Variants in LHFPL5 observed in about 807,000 individuals in gnomAD.
The protein encoded by LHFPL5 is LHFPL tetraspan subfamily member 5 protein.
A neutral mutation model predicts 18.7 loss-of-function variants in LHFPL5; 12 were observed. That is an observed-to-expected ratio of 0.64 (90% CI 0.41 to 1.04). LHFPL5 has a LOEUF of 1.04. Ranked by LOEUF, LHFPL5 falls within the 50% of genes least tolerant of loss-of-function variation. The pLI is 0.00. For missense variants in LHFPL5, 259 were observed against 292.1 expected (o/e 0.89, Z 0.83); for synonymous variants, 111 against 120.2 (o/e 0.92, Z 0.50).
Position 35,814,362 on chromosome 6 carries a change from C to T in LHFPL5, c.413-184C>T, listed in dbSNP as rs1314905798. The stretch of plus-strand genomic sequence containing the variant: ...GTCTCGGGGGCCAGTTGCTTTAACT[C>T]TCAGAGCCTCAGTTTTCTCACCTGT... On this transcript the variant is annotated intron_variant, in intron 1 of 3. Transcript: ENST00000360215. The surrounding 1 kb of genome is among the most constrained non-coding windows in gnomAD (Gnocchi z 4.2). Among the ~76,000 whole-genome samples, 2 of 152,120 alleles carry T rather than the reference C, an allele frequency of 1.3e-5. No individual in the cohort carries two copies. The highest frequency in any genetic ancestry group is 3.9e-4 in the East Asian group (2 of 5,184).
rs1554147694 is a variant in LHFPL5 at position 35,821,481 on chromosome 6, G to GTGTGTGTGTGTGTGTA, written c.*17-1488_*17-1487insGTATGTGTGTGTGTGT. On this transcript the variant is annotated intron_variant, in intron 3 of 3. Coordinates refer to ENST00000360215, the MANE Select transcript of LHFPL5 (RefSeq NM_182548.4). The stretch of plus-strand genomic sequence containing the variant: ...TGTGTGTGTGTGTGTGTGTGTGTGT[G>GTGTGTGTGTGTGTGTA]TGTGTGTGTGTGTTCTTGACACGGA... Among the ~76,000 whole-genome samples, 277 of 147,068 alleles carry GTGTGTGTGTGTGTGTA rather than the reference G, an allele frequency of 1.9e-3. 2 individuals carry two copies. The highest frequency in any genetic ancestry group is 4.8e-3 in the African/African-American group (188 of 39,290).
chr6:35,818,321 A>G (rs1300555598), intron 2 of LHFPL5, among the ~76,000 whole-genome samples: 2 of 660 alleles, frequency 3.0e-3, no homozygotes, highest in Non-Finnish European at 0.024. Flanking sequence ...ACTAAAAGCC[A>G]TATATATATA....
chr6:35,816,136 A>G (rs999942824), intron 2 of LHFPL5, among the ~76,000 whole-genome samples: 3 of 149,814 alleles, frequency 2.0e-5, no homozygotes, highest in Non-Finnish European at 4.4e-5. Flanking sequence ...GCGCCACTGC[A>G]GTCCGCAGTC....
rs67626900 is a variant in LHFPL5 at position 35,823,388 on chromosome 6, T to TAC, written c.*459_*460dup. The TAC allele has an allele frequency of 0.01, 1,057 of 103,804 alleles. 9 individuals carry two copies. The highest frequency in any genetic ancestry group is 0.012 in the African/African-American group (274 of 22,146). The allele number at this position is 103,804 out of a possible 1,614,324, so 6.4% of individuals were successfully genotyped here. The stretch of plus-strand genomic sequence containing the variant: ...GATAGCATACACACACACATATATA[T>TAC]ACACACACACACACACACACACACA... On this transcript the variant is annotated 3_prime_UTR_variant, in exon 4 of 4. Coordinates refer to ENST00000360215, the MANE Select transcript of LHFPL5 (RefSeq NM_182548.4).
intron 1 of LHFPL5, among the ~76,000 whole-genome samples, chr6:35,811,765 C>T (rs1293969812): frequency 6.6e-6 from 1 of 152,198 alleles, no homozygotes; most frequent in East Asian, 1.9e-4. Flanking sequence ...CACATCAAGT[C>T]GGGGAAGGGC....
At chr6:35,809,522 G>A (rs909327642) in intron 1 of LHFPL5, among the ~76,000 whole-genome samples, 1 of 152,074 alleles carries the variant, frequency 6.6e-6, no homozygotes, top group East Asian at 1.9e-4. Context: ...TTGAGTCAAG[G>A]TCTCAAAAAT....
chr6:35,806,104 G>A (rs1454124785), intron 1 of LHFPL5, 22 bp downstream of exon 1: 3 of 1,610,992 alleles, frequency 1.9e-6, no homozygotes, highest in East Asian at 4.5e-5. Context: ...TGGTGGGAGG[G>A]CAGGCAGGGG....
intron 2 of LHFPL5, among the ~76,000 whole-genome samples, chr6:35,818,568 A>C (rs1768812902): frequency 6.6e-6 from 1 of 151,414 alleles, no homozygotes; most frequent in African/African-American, 2.4e-5. Context: ...CACCATGTTG[A>C]CCAGGCTGGT....
rs1768894811 is a variant in LHFPL5 at position 35,823,033 on chromosome 6, T to C, written c.*68T>C. On this transcript the variant is annotated 3_prime_UTR_variant, in exon 4 of 4. Transcript: ENST00000360215. ...ACTAGGGAATCAAATTCTTCAGAGATAAGAACTTGTTCTTCCAAGTTTCCT... is the reference window on the plus strand; with the variant it reads ...ACTAGGGAATCAAATTCTTCAGAGACAAGAACTTGTTCTTCCAAGTTTCCT... The C allele has an allele frequency of 6.6e-6, 1 of 152,226 alleles. No individual in the cohort carries two copies. The highest frequency in any genetic ancestry group is 1.5e-5 in the Non-Finnish European group (1 of 68,038). The allele number at this position is 152,226 out of a possible 1,614,324, so 9.4% of individuals were successfully genotyped here.
At chr6:35,811,704 C>G (rs1484387072) in intron 1 of LHFPL5, among the ~76,000 whole-genome samples, 1 of 152,240 alleles carries the variant, frequency 6.6e-6, no homozygotes, top group Non-Finnish European at 1.5e-5. Context: ...TTCCCACCTT[C>G]ACCTCTGCCC....
intron 2 of LHFPL5, among the ~76,000 whole-genome samples, chr6:35,818,339 ATATATATATGTATTTTTTTTTTTTT>A (rs1204086914): frequency 7.2e-5 from 2 of 27,864 alleles, no homozygotes; most frequent in Admixed American, 4.2e-4. Context: ...ATATATATAT[ATATATATATGTATTTTTTTTTTTTT>A]TTTTTTTTTT....
chr6:35,823,633 G>C lies in LHFPL5; in HGVS notation c.*668G>C, dbSNP rs556282521. 5 of 151,414 alleles carry C rather than the reference G, an allele frequency of 3.3e-5. No individual in the cohort carries two copies. Among genetic ancestry groups the C allele is most frequent in the African/African-American group, 7.3e-5 (3 of 41,018 alleles). The allele number at this position is 151,414 out of a possible 1,614,324, so 9.4% of individuals were successfully genotyped here. On this transcript the variant is annotated 3_prime_UTR_variant, in exon 4 of 4. Transcript: ENST00000360215. ...TTTGTTTTCTTATTGCTGCTCAGAG[G>C]GGGGTAAGGAATGGAGGGGCCATCA...
In LHFPL5 at chr6:35,814,537, C is replaced by T. The variant is rs1768724551; in HGVS notation, c.413-9C>T. 1 of 1,606,074 alleles carries T rather than the reference C, an allele frequency of 6.2e-7. No homozygotes were observed. Among genetic ancestry groups the T allele is most frequent in the Non-Finnish European group, 8.5e-7 (1 of 1,172,598 alleles). On this transcript the variant is annotated splice_polypyrimidine_tract_variant and intron_variant, in intron 1 of 3. Transcript: ENST00000360215. This position sits in a 1 kb window ranked among gnomAD's most constrained non-coding sequence, Gnocchi z 4.2. ...CCTGATGCCATGTGCACCCCTCCTT[C>T]CCCCTCAGCCACAGGCCTAATGATT...
chr6:35,813,239 ATTTT>A (rs35884324), intron 1 of LHFPL5, among the ~76,000 whole-genome samples: 10 of 56,288 alleles, frequency 1.8e-4, no homozygotes, highest in African/African-American at 6.7e-4. Flanking sequence ...AGGAACTAGC[ATTTT>A]TTTTTTTTTT....
In LHFPL5 at chr6:35,822,851, C is replaced by G. The variant is rs567215309; in HGVS notation, c.*17-131C>G. The G allele has an allele frequency of 4.6e-5, 7 of 152,354 alleles. No individual in the cohort carries two copies. The East Asian group carries it at 1.4e-3, about 29-fold the overall frequency. The allele number at this position is 152,354 out of a possible 1,614,324, so 9.4% of individuals were successfully genotyped here. ...CCTCGAACTCCTGACCTCAAGTGAT[C>G]CACCCGGCTTGGCCTCCCAAAGTGC... On this transcript the variant is annotated intron_variant, in intron 3 of 3. Coordinates refer to ENST00000360215, the MANE Select transcript of LHFPL5 (RefSeq NM_182548.4).
At chr6:35,821,855 CA>C (rs1768873341) in intron 3 of LHFPL5, among the ~76,000 whole-genome samples, 2 of 75,510 alleles carry the variant, frequency 2.6e-5, no homozygotes, top group African/African-American at 5.0e-5. Context: ...TGGTGTACCA[CA>C]ATTTTTTTTT....
chr6:35,818,471 A>G (rs891110605), intron 2 of LHFPL5, among the ~76,000 whole-genome samples: 2 of 146,642 alleles, frequency 1.4e-5, no homozygotes, highest in African/African-American at 5.1e-5. Flanking sequence ...TGATCCTCCC[A>G]TATTAGCCTC....
chr6:35,815,173 C>T (rs771147861), intron 2 of LHFPL5, among the ~76,000 whole-genome samples: 25 of 152,004 alleles, frequency 1.6e-4, no homozygotes, highest in Non-Finnish European at 2.5e-4. Flanking sequence ...GGAGGGAGTG[C>T]GACCTTGAGA....
Position 35,814,771 on chromosome 6 carries a change from C to T in LHFPL5, c.638C>T (p.Ala213Val). Residue 213 changes from alanine to valine, a missense_variant, in exon 2 of 4, where the codon GCA becomes GTA. By Grantham distance (64) the Ala-to-Val change is moderately conservative. Coordinates refer to ENST00000360215, the MANE Select transcript of LHFPL5 (RefSeq NM_182548.4). The surrounding 1 kb of genome is among the most constrained non-coding windows in gnomAD (Gnocchi z 4.2). ...QDKLLPDDYK[A>V]DGTEEV ...AAGCTCCTCCCTGACGACTACAAGG[C>T]AGATGGAACCGGTAATCACCCAACT... 2 of 1,613,886 alleles carry T rather than the reference C, an allele frequency of 1.2e-6. No individual in the cohort carries two copies. Among genetic ancestry groups the T allele is most frequent in the Non-Finnish European group, 1.7e-6 (2 of 1,179,822 alleles).
Sources: allele counts gnomAD v4.1 joint callset (sites outside exome capture counted in the v4.1 genomes callset), GRCh38; gene constraint gnomAD v4.1.1; non-coding constraint Gnocchi (gnomAD v3.1); transcripts MANE v1.5; gene names NCBI Gene and HGNC (gene_info 2026-07-23, HGNC 2026-07-21).